The following EXOC6B variants were observed in gnomAD, a reference collection of about 807,000 sequenced individuals.
The protein encoded by EXOC6B is SEC15 homolog B.
EXOC6B carries 54 observed loss-of-function variants against 113.5 expected under a neutral mutation model. The observed-to-expected ratio is 0.48, with a 90% CI of 0.38 to 0.60. The LOEUF (loss-of-function observed/expected upper bound fraction) is 0.60, where lower values mean the gene tolerates loss of function less well. EXOC6B is among the 20% of genes least tolerant of loss of function. EXOC6B has a pLI of 0.00. For synonymous variants in EXOC6B, 357 were observed against 339.0 expected, an observed-to-expected ratio of 1.05 and a Z score of -0.58; for missense variants, 797 against 977.5, an observed-to-expected ratio of 0.82 and a Z score of 2.46.
At chr2:72,465,397 C>A in intron 17 of EXOC6B, 58 bp from the exon 18 acceptor site, 1 of 1,387,818 alleles carries the variant, frequency 7.2e-7, no homozygotes, top group South Asian at 1.4e-5. Context: ...GCAGAAATTT[C>A]TATGAGCTTA....
At position 72,618,672 on chromosome 2, in the gene EXOC6B, C is replaced by A. The variant is rs1025100697; in HGVS notation, c.670-43004G>T. On this transcript the variant is annotated intron_variant, in intron 6 of 21. Coordinates refer to ENST00000272427, the MANE Select transcript of EXOC6B (RefSeq NM_015189.3). ...TATGAGCCTGCAATACCATGTCTAT[C>A]AAGGAAATATTAACATGAATGGAAA... Among the ~76,000 whole-genome samples, 3 of 152,170 alleles carry A rather than the reference C, an allele frequency of 2.0e-5. No homozygotes were observed. The South Asian group carries it at 6.2e-4, about 31-fold the overall frequency.
At chr2:72,745,803 C>T (rs1001210431) in intron 1 of EXOC6B, among the ~76,000 whole-genome samples, 6 of 152,076 alleles carry the variant, frequency 3.9e-5, no homozygotes, top group African/African-American at 1.4e-4. Context: ...ACCAACATAT[C>T]CATCAGATAT....
intron 18 of EXOC6B, among the ~76,000 whole-genome samples, chr2:72,434,463 T>C (rs1161515940): frequency 6.6e-6 from 1 of 152,232 alleles, no homozygotes; most frequent in Admixed American, 6.5e-5. Context: ...TTGGTTGGAA[T>C]AGTTTCAGAA....
chr2:72,348,618 G>C (rs1689469452), intron 19 of EXOC6B, among the ~76,000 whole-genome samples: 1 of 152,056 alleles, frequency 6.6e-6, no homozygotes, highest in East Asian at 1.9e-4. Flanking sequence ...TTAAAATGAA[G>C]ACAGCTGATC....
chr2:72,425,596 C>G (rs1695159502), intron 18 of EXOC6B, among the ~76,000 whole-genome samples: 1 of 152,126 alleles, frequency 6.6e-6, no homozygotes, highest in South Asian at 2.1e-4. Flanking sequence ...TTTGCCAGTT[C>G]TTTCTGAACT....
At chr2:72,574,595 C>T (rs1220694672) in intron 7 of EXOC6B, among the ~76,000 whole-genome samples, 1 of 151,956 alleles carries the variant, frequency 6.6e-6, no homozygotes, top group Non-Finnish European at 1.5e-5. Context: ...GAAACAAGCA[C>T]TTACAAAAAA....
chr2:72,728,310 A>G (rs1353398442), intron 5 of EXOC6B, among the ~76,000 whole-genome samples: 2 of 152,226 alleles, frequency 1.3e-5, no homozygotes, highest in Admixed American at 6.5e-5. Flanking sequence ...CTATTCAATC[A>G]GAATCTATAT....
chr2:72,286,885 T>C (rs947608556), intron 20 of EXOC6B, among the ~76,000 whole-genome samples: 3 of 152,140 alleles, frequency 2.0e-5, no homozygotes, highest in African/African-American at 7.2e-5. Context: ...AAATTACTCA[T>C]GTTTCAAGAA....
At chr2:72,687,497 C>T (rs561838369) in intron 6 of EXOC6B, among the ~76,000 whole-genome samples, 155 of 151,728 alleles carry the variant, frequency 1.0e-3, no homozygotes, top group South Asian at 6.3e-3. Flanking sequence ...CAAAACCCCA[C>T]AAAATCAACA....
At chr2:72,225,305 A>G (rs922075630) in intron 20 of EXOC6B, among the ~76,000 whole-genome samples, 8 of 152,270 alleles carry the variant, frequency 5.3e-5, no homozygotes, top group Admixed American at 2.0e-4. Context: ...TCAGAAAATT[A>G]TAACAAAACA....
chr2:72,488,089 G>A (rs561331154), intron 16 of EXOC6B, among the ~76,000 whole-genome samples: 1 of 152,162 alleles, frequency 6.6e-6, no homozygotes, highest in Admixed American at 6.5e-5. Flanking sequence ...CTCTTACCAA[G>A]GTCACCAACT....
intron 20 of EXOC6B, among the ~76,000 whole-genome samples, chr2:72,272,745 T>C (rs1684572468): frequency 6.6e-6 from 1 of 152,140 alleles, no homozygotes; most frequent in African/African-American, 2.4e-5. Context: ...GGGGGAGCCC[T>C]ATGGGCTAGC....
At chr2:72,519,384 A>G (rs1301403562) in intron 8 of EXOC6B, among the ~76,000 whole-genome samples, 2 of 152,182 alleles carry the variant, frequency 1.3e-5, no homozygotes, top group South Asian at 2.1e-4. Flanking sequence ...TCAAGAAACA[A>G]TATGTGCCTT....
intron 18 of EXOC6B, among the ~76,000 whole-genome samples, chr2:72,408,581 T>C (rs947670089): frequency 1.3e-5 from 2 of 152,210 alleles, no homozygotes; most frequent in Non-Finnish European, 2.9e-5. Flanking sequence ...AACTATCTGA[T>C]GTTTGACAAA....
chr2:72,243,276 A>G (rs562964324), intron 20 of EXOC6B, among the ~76,000 whole-genome samples: 3 of 152,322 alleles, frequency 2.0e-5, no homozygotes, highest in Admixed American at 2.0e-4. Context: ...TCATGCTACT[A>G]TAAAGACACA....
At chr2:72,429,816 T>C (rs995891483) in intron 18 of EXOC6B, among the ~76,000 whole-genome samples, 1 of 152,192 alleles carries the variant, frequency 6.6e-6, no homozygotes, top group Non-Finnish European at 1.5e-5. Context: ...ATGTCAATGG[T>C]GCCAAGGGTG....
chr2:72,386,060 G>C lies in EXOC6B; in HGVS notation c.1981-6190C>G, dbSNP rs146873794. The stretch of plus-strand genomic sequence containing the variant: ...AGTATGTCAAAAAGACACCTGCACT[G>C]CCATGGTCATTGGAGCATTATTCAC... On this transcript the variant is annotated intron_variant, in intron 18 of 21. Transcript: ENST00000272427. Among the ~76,000 whole-genome samples the C allele has an allele frequency of 1.2e-4, 19 of 152,124 alleles. 1 individual carries two copies. Among genetic ancestry groups the C allele is most frequent in the African/African-American group, 4.3e-4 (18 of 41,492 alleles).
intron 11 of EXOC6B, among the ~76,000 whole-genome samples, chr2:72,504,195 A>T (rs1700482174): frequency 6.6e-6 from 1 of 152,152 alleles, no homozygotes; most frequent in South Asian, 2.1e-4. Context: ...GGCATGAGCC[A>T]CCATGGCTGG....
chr2:72,594,794 T>G (rs1057205102), intron 6 of EXOC6B, among the ~76,000 whole-genome samples: 1 of 152,192 alleles, frequency 6.6e-6, no homozygotes, highest in Non-Finnish European at 1.5e-5. Context: ...TAAATGGATT[T>G]CTACACAAAA....
Sources: allele counts gnomAD v4.1 joint callset (sites outside exome capture counted in the v4.1 genomes callset), GRCh38; gene constraint gnomAD v4.1.1; transcripts MANE v1.5; gene names NCBI Gene and HGNC (gene_info 2026-07-23, HGNC 2026-07-21).